HGD: variants seen among roughly 807,000 people sequenced by gnomAD.
The protein encoded by HGD is homogentisate 1,2-dioxygenase, also known as homogentisate oxidase.
A neutral mutation model predicts 60.8 loss-of-function variants in HGD; 61 were observed. The observed-to-expected ratio is 1.00, with a 90% CI of 0.82 to 1.24. HGD has a LOEUF of 1.24. HGD is among the 50% of genes most tolerant of loss of function. The pLI, the probability that HGD is intolerant of heterozygous loss-of-function variation, is 0.00. For synonymous variants in HGD, 212 were observed against 187.7 expected (o/e 1.13, Z -1.06); for missense variants, 542 against 547.1 (o/e 0.99, Z 0.09).
At position 120,628,543 on chromosome 3, in the gene HGD, C is replaced by G. The variant is rs368135589; in HGVS notation, c.1189-14G>C. ...AAACATAAATGCCTGGAGGAAGTGA[C>G]GATGGGGATGAGAAAAAAGAGGTGA... is the stretch of plus-strand genomic sequence containing the variant. On this transcript the variant is annotated splice_polypyrimidine_tract_variant and intron_variant, in intron 13 of 13. Coordinates refer to ENST00000283871, the MANE Select transcript of HGD (RefSeq NM_000187.4). 6.2e-7 allele frequency: 1 copy of G among 1,613,512 alleles called. No individual in the cohort carries two copies. The highest frequency in any genetic ancestry group is 8.5e-7 in the Non-Finnish European group (1 of 1,179,688).
chr3:120,642,538 A>C (rs1941020402), intron 10 of HGD, among the ~76,000 whole-genome samples: 1 of 152,168 alleles, frequency 6.6e-6, no homozygotes, highest in Admixed American at 6.5e-5. Context: ...AAAATACATA[A>C]AGCATTGACA....
rs1447104561 is a variant in HGD, at chr3:120,641,223, C to T, written c.879+366G>A. Among the ~76,000 whole-genome samples, 5 of 152,134 alleles carry T rather than the reference C, an allele frequency of 3.3e-5. No homozygotes were observed. The East Asian group carries it at 9.6e-4, about 29-fold the overall frequency. On this transcript the variant is annotated intron_variant, in intron 11 of 13. Coordinates refer to ENST00000283871, the MANE Select transcript of HGD (RefSeq NM_000187.4). Reference sequence around the variant, plus strand: ...CTCTTGAGAGTTGTGGGGTCAGGGACTTCTCCAAATTCATAAAGTTCCTTT... The same window carrying T: ...CTCTTGAGAGTTGTGGGGTCAGGGATTTCTCCAAATTCATAAAGTTCCTTT...
At chr3:120,671,758 C>T (rs1002096850) in intron 3 of HGD, among the ~76,000 whole-genome samples, 17 of 152,252 alleles carry the variant, frequency 1.1e-4, no homozygotes, top group African/African-American at 3.9e-4. Flanking sequence ...CAATGATAGA[C>T]TGGATAAAGA....
intron 4 of HGD, among the ~76,000 whole-genome samples, chr3:120,660,682 G>A (rs746338337): frequency 6.6e-5 from 10 of 152,108 alleles, no homozygotes; most frequent in Non-Finnish European, 1.0e-4. Context: ...AAAATTAGCC[G>A]GGCATGGTGG....
At chr3:120,641,549 C>T (rs374774380) in intron 11 of HGD, 40 bp downstream of exon 11, 235 of 1,268,980 alleles carry the variant, frequency 1.9e-4, no homozygotes, top group Non-Finnish European at 2.6e-4. Flanking sequence ...CCCACCCAAG[C>T]GTTGCCTCAT....
At chr3:120,673,430 T>C (rs1283839478) in intron 3 of HGD, among the ~76,000 whole-genome samples, 1 of 152,080 alleles carries the variant, frequency 6.6e-6, no homozygotes, top group African/African-American at 2.4e-5. Flanking sequence ...GTCAAGAACA[T>C]AGTCATAGAG....
chr3:120,631,899 C>T (rs1219495351), intron 13 of HGD, among the ~76,000 whole-genome samples: 2 of 152,156 alleles, frequency 1.3e-5, no homozygotes, highest in Non-Finnish European at 2.9e-5. Context: ...CTGTCCTACG[C>T]CTCACTGTTG....
intron 6 of HGD, among the ~76,000 whole-genome samples, chr3:120,648,902 G>T (rs1036733162): frequency 9.2e-5 from 14 of 152,156 alleles, no homozygotes; most frequent in Admixed American, 2.6e-4. Flanking sequence ...TTGGGCCTCA[G>T]AGAAGACTCA....
intron 4 of HGD, among the ~76,000 whole-genome samples, chr3:120,667,750 CTGATT>C (rs1707933212): frequency 6.6e-6 from 1 of 152,178 alleles, no homozygotes; most frequent in Non-Finnish European, 1.5e-5. Context: ...TTAACCACTA[CTGATT>C]TGATTGCTAT....
At chr3:120,667,841 T>C (rs1040839734) in intron 4 of HGD, among the ~76,000 whole-genome samples, 8 of 152,258 alleles carry the variant, frequency 5.3e-5, no homozygotes, top group African/African-American at 1.9e-4. Context: ...AATCTGCCCA[T>C]GGACTTTTCT....
chr3:120,638,028 A>G (rs1432409861), intron 12 of HGD, among the ~76,000 whole-genome samples: 2 of 152,140 alleles, frequency 1.3e-5, no homozygotes, highest in Non-Finnish European at 2.9e-5. Flanking sequence ...ATGAGTTCAC[A>G]TGGGGTTTGG....
Position 120,638,570 on chromosome 3 carries a change from A to T in HGD, c.891T>A (p.Ile297=). 6.2e-7 allele frequency: 1 copy of T among 1,613,958 alleles called. No homozygotes were observed. The highest frequency in any genetic ancestry group is 8.5e-7 in the Non-Finnish European group (1 of 1,179,928). The change falls in exon 12 of 14, where the codon ATT becomes ATA. Residue 297 remains isoleucine, a synonymous_variant. Coordinates refer to ENST00000283871, the MANE Select transcript of HGD (RefSeq NM_000187.4). ...SVAFDHADPS[I]FTVLTAKSVR... The stretch of plus-strand genomic sequence containing the variant: ...CAGACTTAGCAGTCAATACTGTGAA[A>T]ATGGATGGGTCCTGTGAACACACAA...
chr3:120,678,769 C>T (rs889899749), intron 1 of HGD, among the ~76,000 whole-genome samples: 2 of 152,136 alleles, frequency 1.3e-5, no homozygotes, highest in African/African-American at 4.8e-5. Context: ...AGAAAAAGTA[C>T]AGAGTTTATT....
At chr3:120,666,856 A>G (rs184450150) in intron 4 of HGD, among the ~76,000 whole-genome samples, 2 of 152,276 alleles carry the variant, frequency 1.3e-5, no homozygotes, top group African/African-American at 4.8e-5. Flanking sequence ...AAGCTTTTTA[A>G]TCCAGTTGCT....
At position 120,646,350 on chromosome 3, in the gene HGD, C is replaced by A. The variant is rs2107510544; in HGVS notation, c.566G>T (p.Ser189Ile). The A allele has an allele frequency of 1.9e-6, 3 of 1,611,442 alleles. No individual in the cohort carries two copies. The highest frequency in any genetic ancestry group is 2.5e-6 in the Non-Finnish European group (3 of 1,177,614). The change falls in exon 9 of 14, where the codon AGC becomes ATC. Residue 189 changes from serine (S) to isoleucine (I), a missense_variant. By Grantham distance (142) the Ser-to-Ile change is moderately radical. Around this residue, in one of 2 missense-constraint regions of HGD, gnomAD observed 537 missense variants for 529.1 expected, o/e 1.01. Coordinates refer to ENST00000283871, the MANE Select transcript of HGD (RefSeq NM_000187.4). ...CCTGGTCTCCTCAAAGACATCTATG[C>A]TGAACCGCATTCCTCTCTGGAATGG... ...ICVIQRGMRFSIDVFEETRGY... is the reference protein window; with the variant it reads ...ICVIQRGMRFIIDVFEETRGY...
chr3:120,628,324 G>T lies in HGD; in HGVS notation c.*56C>A. 1.3e-6 allele frequency: 2 copies of T among 1,569,478 alleles called. No individual in the cohort carries two copies. The highest frequency in any genetic ancestry group is 1.1e-5 in the South Asian group (1 of 90,166). ...CCTCCAATACTACCAGAAAGCATGA[G>T]ATTCTGAAGAAATCTTCACAAATCT... On this transcript the variant is annotated 3_prime_UTR_variant, in exon 14 of 14. Transcript: ENST00000283871.
chr3:120,663,732 A>T (rs975299434), intron 4 of HGD, among the ~76,000 whole-genome samples: 6 of 152,072 alleles, frequency 3.9e-5, no homozygotes, highest in African/African-American at 1.4e-4. Context: ...GATTTACTAC[A>T]TAATAGCAAA....
chr3:120,640,609 C>T (rs779087695), intron 11 of HGD, among the ~76,000 whole-genome samples: 9 of 152,192 alleles, frequency 5.9e-5, no homozygotes, highest in East Asian at 1.9e-4. Context: ...ATAAACCCAA[C>T]CCTTATTGCT....
chr3:120,667,319 CT>C (rs1707921076), intron 4 of HGD, among the ~76,000 whole-genome samples: 1 of 86,292 alleles, frequency 1.2e-5, no homozygotes, highest in Non-Finnish European at 2.0e-5. Context: ...GGGTGAGACT[CT>C]TGTCTCAAAA....
Sources: gnomAD v4.1 joint callset for allele counts (sites outside exome capture counted in the v4.1 genomes callset) on GRCh38, gnomAD v4.1.1 for gene constraint, gnomAD v4.1.1 regional missense constraint, MANE v1.5 for transcripts, NCBI Gene and HGNC (gene_info 2026-07-23, HGNC 2026-07-21) for gene names.